The following MERTK variants were observed in gnomAD, a reference collection of about 807,000 sequenced individuals.
MERTK encodes tyrosine-protein kinase Mer.
In MERTK, 69 loss-of-function variants were observed where a neutral mutation model predicts 99.3. That is an observed-to-expected ratio of 0.70 (90% CI 0.57 to 0.85). The LOEUF (loss-of-function observed/expected upper bound fraction) is 0.85. Ranked by LOEUF, MERTK falls within the 40% of genes least tolerant of loss-of-function variation. The pLI, the probability that MERTK is intolerant of heterozygous loss-of-function variation, is 0.00. For synonymous variants in MERTK, 426 were observed against 467.6 expected (o/e 0.91, Z 1.15); for missense variants, 1,125 against 1,249.4 (o/e 0.90, Z 1.50).
At chr2:111,932,677 A>G (rs779594439) in intron 2 of MERTK, among the ~76,000 whole-genome samples, 32 of 152,226 alleles carry the variant, frequency 2.1e-4, no homozygotes, top group Non-Finnish European at 3.8e-4. Context: ...AGATGGGTTT[A>G]TTTTAGAGAA....
intron 2 of MERTK, among the ~76,000 whole-genome samples, chr2:111,932,683 G>C (rs1684695828): frequency 6.6e-6 from 1 of 152,190 alleles, no homozygotes; most frequent in Non-Finnish European, 1.5e-5. Flanking sequence ...GTTTATTTTA[G>C]AGAAATAAGC....
intron 1 of MERTK, among the ~76,000 whole-genome samples, chr2:111,926,126 C>T (rs1480068053): frequency 6.6e-6 from 1 of 152,098 alleles, no homozygotes. Flanking sequence ...CCACTGCGCC[C>T]AGCCCCAGAC....
chr2:111,928,727 C>G (rs1684613307), intron 1 of MERTK, among the ~76,000 whole-genome samples: 1 of 152,164 alleles, frequency 6.6e-6, no homozygotes, highest in Non-Finnish European at 1.5e-5. Flanking sequence ...CTCAGGTGAT[C>G]CTCCTGTCTC....
intron 6 of MERTK, among the ~76,000 whole-genome samples, chr2:111,970,303 G>T (rs927172125): frequency 1.3e-5 from 2 of 151,480 alleles, no homozygotes. Context: ...ACTACAGGCG[G>T]GTGCCACCAC....
At chr2:112,001,652 C>A (rs867585159) in intron 11 of MERTK, among the ~76,000 whole-genome samples, 1 of 152,178 alleles carries the variant, frequency 6.6e-6, no homozygotes, top group Non-Finnish European at 1.5e-5. Context: ...CAACCAACTC[C>A]GAGGATGATT....
intron 4 of MERTK, chr2:111,952,814 T>C (rs1685081950): frequency 6.6e-6 from 1 of 152,188 alleles, no homozygotes; most frequent in Non-Finnish European, 1.5e-5. Flanking sequence ...TACATTCTAA[T>C]CTCCCTCCAA....
At position 111,929,390 on chromosome 2, in the gene MERTK, T is replaced by A; in HGVS notation, c.332T>A (p.Val111Asp). 6.2e-7 allele frequency: 1 copy of A among 1,614,078 alleles called. No individual in the cohort carries two copies. The highest frequency in any genetic ancestry group is 8.5e-7 in the Non-Finnish European group (1 of 1,180,016). Residue 111 changes from valine (V) to aspartate (D), a missense_variant, in exon 2 of 19, where the codon GTC (valine) becomes GAC (aspartate). Physicochemically the swap from Val to Asp is radical, Grantham distance 152 (BLOSUM62 -3). Coordinates refer to ENST00000295408, the MANE Select transcript of MERTK (RefSeq NM_006343.3). Reference sequence around the variant, plus strand: ...ATAATACTTTCTGAACATAAAGGTGTCAAATTTAATTGCTCAATCAGTGTA... The same window carrying A: ...ATAATACTTTCTGAACATAAAGGTGACAAATTTAATTGCTCAATCAGTGTA... Reference protein sequence around the residue: ...GHIILSEHKGVKFNCSISVPN... With the variant: ...GHIILSEHKGDKFNCSISVPN...
At chr2:111,920,640 CTTTAT>C (rs773938248) in intron 1 of MERTK, among the ~76,000 whole-genome samples, 1 of 148,214 alleles carries the variant, frequency 6.7e-6, no homozygotes, top group South Asian at 2.2e-4. Context: ...TGTTGCTACT[CTTTAT>C]TTTATTTATT....
At chr2:111,919,474 G>T (rs548223864) in intron 1 of MERTK, among the ~76,000 whole-genome samples, 1 of 152,176 alleles carries the variant, frequency 6.6e-6, no homozygotes, top group African/African-American at 2.4e-5. Flanking sequence ...GTTCCGCTGG[G>T]TTTGACAGCA....
Position 112,027,615 on chromosome 2 carries a change from G to T in MERTK, c.2487-736G>T, listed in dbSNP as rs546263068. 3.0e-4 allele frequency among the ~76,000 whole-genome samples: 46 copies of T among 152,234 alleles called. 1 individual carries two copies. The highest frequency in any genetic ancestry group is 1.1e-3 in the African/African-American group (44 of 41,538). On this transcript the variant is annotated intron_variant, in intron 18 of 18. Transcript: ENST00000295408. The stretch of plus-strand genomic sequence containing the variant: ...TGAGGAGCACTTGGACGCAGGAGTT[G>T]TCCAATCTGAATCTGAATCCCTGGC...
chr2:111,908,399 C>G (rs545879580), intron 1 of MERTK, among the ~76,000 whole-genome samples: 43 of 152,214 alleles, frequency 2.8e-4, no homozygotes, highest in Middle Eastern at 6.8e-3. Context: ...TGTGTACTCA[C>G]TACTTGACGT....
intron 1 of MERTK, among the ~76,000 whole-genome samples, chr2:111,912,228 T>G (rs777442754): frequency 7.2e-5 from 11 of 151,976 alleles, no homozygotes; most frequent in Non-Finnish European, 1.6e-4. Flanking sequence ...AGGCCGGTCT[T>G]GAATTCCTGA....
chr2:111,929,380 C>A lies in MERTK; in HGVS notation c.322C>A (p.His108Asn), dbSNP rs938838433. 6.2e-7 allele frequency: 1 copy of A among 1,613,994 alleles called. No homozygotes were observed. The highest frequency in any genetic ancestry group is 8.5e-7 in the Non-Finnish European group (1 of 1,180,036). ...AGTTGGACACATAATACTTTCTGAACATAAAGGTGTCAAATTTAATTGCTC... is the reference window on the plus strand; with the variant it reads ...AGTTGGACACATAATACTTTCTGAAAATAAAGGTGTCAAATTTAATTGCTC... ...HTVGHIILSE[H>N]KGVKFNCSIS... Residue 108 changes from histidine to asparagine, a missense_variant, in exon 2 of 19, where the codon CAT becomes AAT. His to Asn is a moderately conservative substitution (Grantham distance 68). Transcript: ENST00000295408.
chr2:112,028,842 A>G lies in MERTK; in HGVS notation c.2978A>G (p.Glu993Gly). The change falls in exon 19 of 19, where the codon GAA (glutamate) becomes GGA (glycine). Residue 993 changes from glutamate (E) to glycine (G), a missense_variant. Coordinates refer to ENST00000295408, the MANE Select transcript of MERTK (RefSeq NM_006343.3). ...CTTTTGTTTGCTGACGACTCCTCAGAAGGCTCAGAAGTCCTGATGTGAGGA... is the reference window on the plus strand; with the variant it reads ...CTTTTGTTTGCTGACGACTCCTCAGGAGGCTCAGAAGTCCTGATGTGAGGA... The part of the protein sequence containing the change: ...DELLFADDSS[E>G]GSEVLM 1 of 1,613,954 alleles carries G rather than the reference A, an allele frequency of 6.2e-7. No individual in the cohort carries two copies. The highest frequency in any genetic ancestry group is 8.5e-7 in the Non-Finnish European group (1 of 1,180,028).
Position 111,968,255 on chromosome 2 carries a change from A to G in MERTK, c.960+3A>G, listed in dbSNP as rs1448545841. ...CGTTCAGGAATTGCAGCATTCAGGT[A>G]AAGTTCCAGGGTGAAGAGGGAAGTA... On this transcript the variant is annotated splice_donor_region_variant and intron_variant, in intron 6 of 18. Transcript: ENST00000295408. 6.2e-7 allele frequency: 1 copy of G among 1,608,432 alleles called. No homozygotes were observed. Among genetic ancestry groups the G allele is most frequent in the Non-Finnish European group, 8.5e-7 (1 of 1,174,926 alleles).
At position 111,964,043 on chromosome 2, in the gene MERTK, C is replaced by CT. The variant is rs56693776; in HGVS notation, c.758-1136dup. The stretch of plus-strand genomic sequence containing the variant: ...GTTTCTCCACTCAAAAATTTTCTTT[C>CT]TTTTTTTTTTTTGCTCTTTCCATAA... On this transcript the variant is annotated intron_variant, in intron 4 of 18. Transcript: ENST00000295408. Among the ~76,000 whole-genome samples the CT allele has an allele frequency of 9.3e-4, 97 of 103,838 alleles. 6 individuals carry two copies. Among genetic ancestry groups the CT allele is most frequent in the East Asian group, 2.1e-3 (9 of 4,260 alleles). 68.1% of individuals were successfully genotyped at this position (103,838 alleles called of 152,430 possible). A position where few individuals can be genotyped will look rare whatever the true frequency, so the allele number is the denominator to read the frequency against.
intron 1 of MERTK, among the ~76,000 whole-genome samples, chr2:111,900,282 C>A (rs928075558): frequency 6.6e-6 from 1 of 152,146 alleles, no homozygotes; most frequent in East Asian, 1.9e-4. Context: ...ATTACATAAG[C>A]AATTTATAAT....
chr2:111,919,293 A>G (rs1156730706), intron 1 of MERTK, among the ~76,000 whole-genome samples: 2 of 152,078 alleles, frequency 1.3e-5, no homozygotes, highest in East Asian at 3.9e-4. Context: ...GATCTGTGCC[A>G]CTGAATCTAT....
intron 2 of MERTK, among the ~76,000 whole-genome samples, chr2:111,931,788 A>G (rs115247697): frequency 0.018 from 2,777 of 152,160 alleles, 78 homozygotes; most frequent in African/African-American, 0.063. Flanking sequence ...GGAGGGGAGC[A>G]TAGCCCTACC....
Sources: gnomAD v4.1 joint callset for allele counts (sites outside exome capture counted in the v4.1 genomes callset) on GRCh38, gnomAD v4.1.1 for gene constraint, MANE v1.5 for transcripts, NCBI Gene and HGNC (gene_info 2026-07-23, HGNC 2026-07-21) for gene names.